The following MVB12B variants were observed in gnomAD, a reference collection of about 807,000 sequenced individuals.
The protein encoded by MVB12B is multivesicular body subunit 12B, also known as ESCRT-I complex subunit MVB12B.
A neutral mutation model predicts 41.6 loss-of-function variants in MVB12B; 16 were observed. The ratio of observed to expected loss-of-function variants is 0.38; its 90% CI spans 0.26 to 0.58. MVB12B has a LOEUF of 0.58. MVB12B is among the 20% of genes least tolerant of loss of function. MVB12B has a pLI of 0.62. For synonymous variants in MVB12B, 133 were observed against 139.7 expected (o/e 0.95, Z 0.34); for missense variants, 274 against 380.2 (o/e 0.72, Z 2.32).
At chr9:126,499,541 G>C (rs1833907275) in intron 9 of MVB12B, among the ~76,000 whole-genome samples, 2 of 152,208 alleles carry the variant, frequency 1.3e-5, no homozygotes, top group Non-Finnish European at 2.9e-5. Flanking sequence ...ACCTTCAAAG[G>C]TACTCGCTGT....
intron 9 of MVB12B, among the ~76,000 whole-genome samples, chr9:126,487,663 G>C (rs1301910763): frequency 6.6e-6 from 1 of 151,944 alleles, no homozygotes; most frequent in Admixed American, 6.6e-5. Flanking sequence ...TACTCAGGCG[G>C]CTGAAGCAGA....
intron 7 of MVB12B, among the ~76,000 whole-genome samples, chr9:126,450,831 G>A (rs1832874801): frequency 6.6e-6 from 1 of 152,204 alleles, no homozygotes; most frequent in South Asian, 2.1e-4. Flanking sequence ...GGCTGAAAGG[G>A]CACTTGCTGC....
intron 8 of MVB12B, among the ~76,000 whole-genome samples, 170 bp downstream of exon 8, chr9:126,481,594 A>G (rs1268087796): frequency 6.6e-6 from 1 of 152,114 alleles, no homozygotes; most frequent in Non-Finnish European, 1.5e-5. Flanking sequence ...GAACCCTGCA[A>G]CCCAGTGACA....
rs754056477 is a variant in MVB12B at position 126,503,495 on chromosome 9, T to G, written c.*232T>G. The G allele has an allele frequency of 8.8e-6, 5 of 569,850 alleles. No homozygotes were observed. The highest frequency in any genetic ancestry group is 3.2e-5 in the Admixed American group (1 of 31,474). The allele number at this position is 569,850 out of a possible 1,614,324, so 35.3% of individuals were successfully genotyped here. A position where few individuals can be genotyped will look rare whatever the true frequency, so the allele number is the denominator to read the frequency against. On this transcript the variant is annotated 3_prime_UTR_variant, in exon 10 of 10. Coordinates refer to ENST00000361171, the MANE Select transcript of MVB12B (RefSeq NM_033446.3). ...ATAACCATGACTAATCTGTGTGTGC[T>G]GTAGTGACCAGCGGCTCCTAACGTG...
rs140535864 is a variant in MVB12B at position 126,424,463 on chromosome 9, G to C, written c.757+2515G>C. 3.6e-3 allele frequency among the ~76,000 whole-genome samples: 551 copies of C among 152,264 alleles called. 2 individuals carry two copies. The highest frequency in any genetic ancestry group is 0.013 in the African/African-American group (530 of 41,542). On this transcript the variant is annotated intron_variant, in intron 7 of 9. Transcript: ENST00000361171. Reference sequence around the variant, plus strand: ...TTTAGCCTCCTGTCTGCCTTGCACAGGAGTACCCTCCCAAAACCCTGGGCC... The same window carrying C: ...TTTAGCCTCCTGTCTGCCTTGCACACGAGTACCCTCCCAAAACCCTGGGCC...
At chr9:126,434,383 T>A (rs1309305106) in intron 7 of MVB12B, among the ~76,000 whole-genome samples, 8 of 152,178 alleles carry the variant, frequency 5.3e-5, no homozygotes, top group Admixed American at 5.2e-4. Context: ...AGAACTCTCC[T>A]CCAAGGTTGA....
At chr9:126,474,378 C>A (rs973060365) in intron 7 of MVB12B, among the ~76,000 whole-genome samples, 1 of 152,208 alleles carries the variant, frequency 6.6e-6, no homozygotes, top group African/African-American at 2.4e-5. Context: ...GAAGCCAGGA[C>A]GGAGATGATT....
chr9:126,326,942 T>C lies in MVB12B; in HGVS notation c.13T>C (p.Phe5Leu). Residue 5 changes from phenylalanine (F) to leucine (L), a missense_variant, in exon 1 of 10, where the codon TTC becomes CTC. Physicochemically the swap from Phe to Leu is conservative, Grantham distance 22. Coordinates refer to ENST00000361171, the MANE Select transcript of MVB12B (RefSeq NM_033446.3). The stretch of plus-strand genomic sequence containing the variant: ...CGCCGCCCGGGCGATGAGAAGCTGC[T>C]TCTGCGTGAGACGGAGCCGGGACCC... MRSC[F>L]CVRRSRDPPP... 2 of 273,090 alleles carry C rather than the reference T, an allele frequency of 7.3e-6. No individual in the cohort carries two copies. Among genetic ancestry groups the C allele is most frequent in the South Asian group, 2.8e-5 (1 of 35,654 alleles). The allele number at this position is 273,090 out of a possible 1,614,324, so 16.9% of individuals were successfully genotyped here. A position where few individuals can be genotyped will look rare whatever the true frequency, so the allele number is the denominator to read the frequency against.
intron 2 of MVB12B, among the ~76,000 whole-genome samples, chr9:126,361,500 G>A (rs189810625): frequency 3.7e-4 from 56 of 152,076 alleles, no homozygotes; most frequent in African/African-American, 1.1e-3. Context: ...TATCCCTATG[G>A]TACTATTTCT....
intron 9 of MVB12B, among the ~76,000 whole-genome samples, chr9:126,501,758 C>G (rs1427904118): frequency 6.6e-6 from 1 of 152,212 alleles, no homozygotes; most frequent in Non-Finnish European, 1.5e-5. Context: ...CCCCTGAAGG[C>G]TCAGCCCTGC....
intron 6 of MVB12B, among the ~76,000 whole-genome samples, chr9:126,399,342 C>G (rs188767980): frequency 6.6e-6 from 1 of 152,214 alleles, no homozygotes; most frequent in African/African-American, 2.4e-5. Flanking sequence ...CCCTGCCTGC[C>G]TATGTCATGC....
intron 2 of MVB12B, among the ~76,000 whole-genome samples, chr9:126,368,601 A>G (rs1830247075): frequency 6.6e-6 from 1 of 152,234 alleles, no homozygotes; most frequent in Non-Finnish European, 1.5e-5. Context: ...GTAGAATTCT[A>G]TCAACCAAAG....
At chr9:126,423,405 C>T (rs1394804492) in intron 7 of MVB12B, among the ~76,000 whole-genome samples, 1 of 152,208 alleles carries the variant, frequency 6.6e-6, no homozygotes, top group Non-Finnish European at 1.5e-5. Flanking sequence ...GCTGCTTCCT[C>T]GCCCCGCAGC....
chr9:126,431,965 C>T (rs1832342726), intron 7 of MVB12B, among the ~76,000 whole-genome samples: 1 of 152,168 alleles, frequency 6.6e-6, no homozygotes, highest in South Asian at 2.1e-4. Flanking sequence ...GTAATGCCCA[C>T]CTCCCAGGAC....
At chr9:126,335,304 C>T in intron 1 of MVB12B, 1 of 1,297,944 alleles carries the variant, frequency 7.7e-7, no homozygotes, top group South Asian at 1.2e-5. Flanking sequence ...ACAGTGACAG[C>T]CTCTCAGTCT....
At chr9:126,356,561 TGTTCATC>T (rs1256365048) in intron 2 of MVB12B, among the ~76,000 whole-genome samples, 6 of 152,154 alleles carry the variant, frequency 3.9e-5, no homozygotes. Flanking sequence ...ATAATGAACA[TGTTCATC>T]ACCCCTAAAA....
At chr9:126,501,954 G>T (rs570434768) in intron 9 of MVB12B, among the ~76,000 whole-genome samples, 55 of 152,184 alleles carry the variant, frequency 3.6e-4, no homozygotes, top group African/African-American at 1.3e-3. Context: ...GACCCCTGCC[G>T]TGTTCCTGAG....
chr9:126,489,196 A>G (rs1833681833), intron 9 of MVB12B, among the ~76,000 whole-genome samples: 3 of 152,196 alleles, frequency 2.0e-5, no homozygotes, highest in Admixed American at 1.3e-4. Context: ...AGGGACCCTC[A>G]TGGGCTGTGT....
At chr9:126,397,581 A>C in intron 6 of MVB12B, 1 of 985,356 alleles carries the variant, frequency 1.0e-6, no homozygotes, top group South Asian at 4.7e-5. Context: ...CCAATATGCA[A>C]CAGGATAATT....
Sources: gnomAD v4.1 joint callset for allele counts (sites outside exome capture counted in the v4.1 genomes callset) on GRCh38, gnomAD v4.1.1 for gene constraint, MANE v1.5 for transcripts, NCBI Gene and HGNC (gene_info 2026-07-23, HGNC 2026-07-21) for gene names.